Variants in UGT8 observed in about 807,000 individuals in gnomAD.
UGT8 encodes the protein 2-hydroxyacylsphingosine 1-beta-galactosyltransferase.
Under a neutral mutation model 40.5 loss-of-function variants are expected in UGT8, and 12 were observed. The observed-to-expected ratio is 0.30, with a 90% CI of 0.19 to 0.48. The LOEUF (loss-of-function observed/expected upper bound fraction) is 0.48, where lower values mean the gene tolerates loss of function less well. UGT8 is among the 20% of genes least tolerant of loss of function. UGT8 has a pLI of 0.99. For missense variants in UGT8, 513 were observed against 648.7 expected, an observed-to-expected ratio of 0.79 and a Z score of 2.27; for synonymous variants, 224 against 240.4, an observed-to-expected ratio of 0.93 and a Z score of 0.63.
intron 2 of UGT8, among the ~76,000 whole-genome samples, chr4:114,636,906 T>C (rs892739447): frequency 6.6e-6 from 1 of 152,212 alleles, no homozygotes; most frequent in African/African-American, 2.4e-5. Flanking sequence ...AAACCTCAGA[T>C]ACACTTAGCT....
intron 2 of UGT8, among the ~76,000 whole-genome samples, chr4:114,636,729 C>T (rs376585866): frequency 2.6e-5 from 4 of 152,024 alleles, no homozygotes; most frequent in African/African-American, 4.8e-5. Context: ...CCAAACTTCC[C>T]GCTGCCTTCT....
At chr4:114,672,787 A>G (rs1419828100) in intron 5 of UGT8, among the ~76,000 whole-genome samples, 1 of 152,202 alleles carries the variant, frequency 6.6e-6, no homozygotes, top group Non-Finnish European at 1.5e-5. Flanking sequence ...ATTTTCTTTT[A>G]GAAGAAATAA....
chr4:114,609,695 C>G (rs953003753), intron 1 of UGT8, among the ~76,000 whole-genome samples: 3 of 152,106 alleles, frequency 2.0e-5, no homozygotes, highest in Admixed American at 1.3e-4. Context: ...TGTCCAGCCT[C>G]TATATGGGCT....
intron 2 of UGT8, among the ~76,000 whole-genome samples, chr4:114,661,883 G>T (rs914168030): frequency 6.6e-6 from 1 of 151,978 alleles, no homozygotes; most frequent in Non-Finnish European, 1.5e-5. Flanking sequence ...GGCTATATAT[G>T]GTGCTTACAT....
At chr4:114,619,175 G>T (rs1429450653) in intron 1 of UGT8, among the ~76,000 whole-genome samples, 1 of 152,024 alleles carries the variant, frequency 6.6e-6, no homozygotes, top group Non-Finnish European at 1.5e-5. Context: ...TGGAAGAAAT[G>T]TATCAGTCTA....
chr4:114,623,429 C>T lies in UGT8; in HGVS notation c.549C>T (p.Leu183=). Reference sequence around the variant, plus strand: ...CATACGTCCCAGAGTTTAACTCACTCCTCACAGACCGCATGAACTTGCTGC... The same window carrying T: ...CATACGTCCCAGAGTTTAACTCACTTCTCACAGACCGCATGAACTTGCTGC... ...PLAYVPEFNS[L]LTDRMNLLQR... The change falls in exon 2 of 6, where the codon CTC becomes CTT. Residue 183 remains leucine, a synonymous_variant. Coordinates refer to ENST00000310836, the MANE Select transcript of UGT8 (RefSeq NM_001128174.3). The T allele has an allele frequency of 6.2e-7, 1 of 1,614,178 alleles. No individual in the cohort carries two copies. The highest frequency in any genetic ancestry group is 8.5e-7 in the Non-Finnish European group (1 of 1,180,022).
chr4:114,631,997 T>C (rs1042890585), intron 2 of UGT8, among the ~76,000 whole-genome samples: 1 of 152,196 alleles, frequency 6.6e-6, no homozygotes, highest in Non-Finnish European at 1.5e-5. Context: ...GATATAGATC[T>C]AAATAGAGTG....
At chr4:114,602,222 G>A (rs898264556) in intron 1 of UGT8, among the ~76,000 whole-genome samples, 1 of 152,022 alleles carries the variant, frequency 6.6e-6, no homozygotes, top group Admixed American at 6.5e-5. Flanking sequence ...CTTATGATAG[G>A]CCCAGATCGT....
At chr4:114,629,974 A>G (rs1732471125) in intron 2 of UGT8, among the ~76,000 whole-genome samples, 1 of 152,210 alleles carries the variant, frequency 6.6e-6, no homozygotes, top group Non-Finnish European at 1.5e-5. Context: ...ATTTTTAGAA[A>G]TGACAAATTT....
At chr4:114,673,962 G>A (rs1331783796) in intron 5 of UGT8, among the ~76,000 whole-genome samples, 1 of 152,164 alleles carries the variant, frequency 6.6e-6, no homozygotes. Context: ...GCATTGATGA[G>A]AGAGAAAACG....
At chr4:114,660,052 C>A (rs1320593354) in intron 2 of UGT8, among the ~76,000 whole-genome samples, 1 of 152,050 alleles carries the variant, frequency 6.6e-6, no homozygotes, top group Non-Finnish European at 1.5e-5. Flanking sequence ...AATAAATTCT[C>A]ATTGGATAAA....
chr4:114,604,488 A>G (rs1730621033), intron 1 of UGT8, among the ~76,000 whole-genome samples: 1 of 146,344 alleles, frequency 6.8e-6, no homozygotes, highest in Admixed American at 6.8e-5. Flanking sequence ...AATTAAGACT[A>G]CTATGGTAAT....
intron 2 of UGT8, among the ~76,000 whole-genome samples, chr4:114,655,242 T>G (rs1349677367): frequency 6.6e-6 from 1 of 152,116 alleles, no homozygotes; most frequent in African/African-American, 2.4e-5. Flanking sequence ...GTTTGTTTTG[T>G]GTGTTTTTTC....
At chr4:114,665,535 C>T (rs1734805748) in intron 3 of UGT8, 145 bp from the exon 4 acceptor site, 3 of 1,292,638 alleles carry the variant, frequency 2.3e-6, no homozygotes, top group Non-Finnish European at 3.0e-6. Flanking sequence ...CAAATATTTG[C>T]TGTTACCAAA....
At chr4:114,651,309 A>G (rs1319416560) in intron 2 of UGT8, among the ~76,000 whole-genome samples, 27 of 152,122 alleles carry the variant, frequency 1.8e-4, no homozygotes. Context: ...AAGACTTGAC[A>G]AGTTACGATT....
chr4:114,621,920 T>C (rs1170332003), intron 1 of UGT8, among the ~76,000 whole-genome samples: 1 of 152,176 alleles, frequency 6.6e-6, no homozygotes, highest in South Asian at 2.1e-4. Flanking sequence ...GTGATTTTTT[T>C]TGTATGTTAG....
chr4:114,667,777 A>G (rs1734981231), intron 4 of UGT8: 2 of 593,356 alleles, frequency 3.4e-6, no homozygotes, highest in Non-Finnish European at 4.2e-6. Context: ...TCTTGCTTTC[A>G]TTGGCTTCAT....
intron 2 of UGT8, among the ~76,000 whole-genome samples, chr4:114,630,047 C>G (rs1350499046): frequency 6.6e-6 from 1 of 152,168 alleles, no homozygotes; most frequent in East Asian, 1.9e-4. Context: ...TACTCTTATT[C>G]TAAGCCAAAC....
chr4:114,636,127 G>A (rs1360017147), intron 2 of UGT8, among the ~76,000 whole-genome samples: 2 of 152,110 alleles, frequency 1.3e-5, no homozygotes, highest in South Asian at 2.1e-4. Context: ...CATTATTTAA[G>A]CTAGGCTTAT....
Sources: gnomAD v4.1 joint callset for allele counts (sites outside exome capture counted in the v4.1 genomes callset) on GRCh38, gnomAD v4.1.1 for gene constraint, MANE v1.5 for transcripts, NCBI Gene and HGNC (gene_info 2026-07-23, HGNC 2026-07-21) for gene names.